Variants in PLEKHA4 observed in about 807,000 individuals in gnomAD.
PLEKHA4 encodes the protein pleckstrin homology domain containing A4.
A neutral mutation model predicts 94.7 loss-of-function variants in PLEKHA4; 73 were observed. The observed-to-expected ratio is 0.77, with a 90% CI of 0.64 to 0.94. PLEKHA4 has a LOEUF of 0.94. Ranked by LOEUF, PLEKHA4 falls within the 40% of genes least tolerant of loss-of-function variation. PLEKHA4 has a pLI of 0.00. For synonymous variants in PLEKHA4, 449 were observed against 437.1 expected (o/e 1.03, Z -0.34); for missense variants, 1,049 against 1,054.1 (o/e 1.00, Z 0.07).
In PLEKHA4 at chr19:48,845,586, G is replaced by A. The variant is rs1447120852; in HGVS notation, c.1597C>T (p.Pro533Ser). ...SLPESLELSS[P>S]RSPETDWGRP... is the part of the protein sequence containing the mutation. The stretch of plus-strand genomic sequence containing the variant: ...CCCCAGTCAGTCTCGGGGGACCTAG[G>A]GGAGCTCAGTTCCAAGGACTCTGGC... The change falls in exon 15 of 20, where the codon CCT (proline) becomes TCT (serine). Residue 533 changes from proline (P) to serine (S), a missense_variant. Coordinates refer to ENST00000263265, the MANE Select transcript of PLEKHA4 (RefSeq NM_020904.3). 3 of 1,605,300 alleles carry A rather than the reference G, an allele frequency of 1.9e-6. No individual in the cohort carries two copies. The highest frequency in any genetic ancestry group is 2.6e-6 in the Non-Finnish European group (3 of 1,175,566).
intron 17 of PLEKHA4, among the ~76,000 whole-genome samples, chr19:48,839,943 T>C (rs1191918313): frequency 3.8e-5 from 5 of 132,156 alleles, no homozygotes; most frequent in African/African-American, 1.5e-4. Context: ...CTACTAAAAA[T>C]ACAAAAAAAA....
intron 13 of PLEKHA4, among the ~76,000 whole-genome samples, chr19:48,849,856 C>T (rs560712488): frequency 6.6e-6 from 1 of 152,220 alleles, no homozygotes; most frequent in East Asian, 1.9e-4. Flanking sequence ...AGCATGGCTT[C>T]AACAAGAGGA....
At chr19:48,843,125 C>T (rs2035829196) in intron 16 of PLEKHA4, among the ~76,000 whole-genome samples, 1 of 152,082 alleles carries the variant, frequency 6.6e-6, no homozygotes, top group South Asian at 2.1e-4. Context: ...CTTTTGTATC[C>T]ATGATAACAA....
chr19:48,863,425 G>GTTTT lies in PLEKHA4; in HGVS notation c.193-1737_193-1734dup, dbSNP rs1436464028. 1.2e-3 allele frequency among the ~76,000 whole-genome samples: 135 copies of GTTTT among 114,652 alleles called. 1 individual carries two copies. Among genetic ancestry groups the GTTTT allele is most frequent in the Non-Finnish European group, 2.2e-3 (117 of 53,074 alleles). 75.2% of individuals were successfully genotyped at this position (114,652 alleles called of 152,430 possible). On this transcript the variant is annotated intron_variant, in intron 3 of 19. Transcript: ENST00000263265. The stretch of plus-strand genomic sequence containing the variant: ...CCTGCCACCATGCAGGCTAATTTAG[G>GTTTT]TTTTTTGTTTTTTTTTTTTTTTGAG...
rs2035787578 is a variant in PLEKHA4, at chr19:48,842,057, C to T, written c.1744-747G>A. Among the ~76,000 whole-genome samples, 4 of 152,150 alleles carry T rather than the reference C, an allele frequency of 2.6e-5. No individual in the cohort carries two copies. In the South Asian group the frequency reaches 8.3e-4, roughly 32 times the overall value. On this transcript the variant is annotated intron_variant, in intron 16 of 19. Transcript: ENST00000263265. ...ATTGTAGAACCAGTCCCTGCAGTTT[C>T]CTCTGCTTTGACCAATCCTGAGTCC...
chr19:48,847,640 G>C (rs1256859737), intron 14 of PLEKHA4, among the ~76,000 whole-genome samples: 1 of 152,158 alleles, frequency 6.6e-6, no homozygotes, highest in Admixed American at 6.6e-5. Flanking sequence ...GCTGAGGCAG[G>C]AGAACCACTT....
At chr19:48,839,295 A>C in intron 17 of PLEKHA4, 32 bp from the exon 18 acceptor site, 1 of 1,477,690 alleles carries the variant, frequency 6.8e-7, no homozygotes, top group African/African-American at 1.4e-5. Context: ...AGAACTCCTC[A>C]CCTGGAAGCC....
At chr19:48,858,627 C>CAAAAAAAATAAAAAAAAAAA (rs2036514164) in intron 8 of PLEKHA4, among the ~76,000 whole-genome samples, 1 of 63,474 alleles carries the variant, frequency 1.6e-5, no homozygotes, top group African/African-American at 1.1e-4. Context: ...ACCTCAGTCT[C>CAAAAAAAATAAAAAAAAAAA]AAAAAAAAAA....
Position 48,854,077 on chromosome 19 carries a change from G to T in PLEKHA4, c.1106C>A (p.Thr369Asn). The T allele has an allele frequency of 1.2e-6, 2 of 1,614,144 alleles. No homozygotes were observed. The highest frequency in any genetic ancestry group is 1.7e-6 in the Non-Finnish European group (2 of 1,180,028). ...AAGCCGGTCCTGCCCGCACAACTTGGTCAGCAGCGTCTGGAGAAAGGAGAG... is the reference window on the plus strand; with the variant it reads ...AAGCCGGTCCTGCCCGCACAACTTGTTCAGCAGCGTCTGGAGAAAGGAGAG... ...HQSLETDTLLTKLCGQDRLLR... is the reference protein window; with the variant it reads ...HQSLETDTLLNKLCGQDRLLR... The change falls in exon 11 of 20, where the codon ACC becomes AAC. Residue 369 changes from threonine to asparagine, a missense_variant. By Grantham distance (65) the Thr-to-Asn change is moderately conservative. Transcript: ENST00000263265.
intron 13 of PLEKHA4, among the ~76,000 whole-genome samples, chr19:48,850,453 G>C (rs917754478): frequency 1.3e-5 from 2 of 151,912 alleles, no homozygotes; most frequent in Non-Finnish European, 2.9e-5. Flanking sequence ...GCAGTGAGTC[G>C]AGATTGTGCC....
intron 6 of PLEKHA4, chr19:48,860,127 A>G: frequency 1.7e-6 from 1 of 587,394 alleles, no homozygotes; most frequent in Non-Finnish European, 3.0e-6. Context: ...CTGAAGGGTC[A>G]GCTTGGGGGC....
At chr19:48,851,157 T>C (rs2036169479) in intron 13 of PLEKHA4, among the ~76,000 whole-genome samples, 1 of 151,484 alleles carries the variant, frequency 6.6e-6, no homozygotes, top group Admixed American at 6.6e-5. Context: ...AAATAAAAAA[T>C]AAAAGAGTAT....
chr19:48,838,905 C>A (rs1409209741), intron 18 of PLEKHA4, among the ~76,000 whole-genome samples: 1 of 152,076 alleles, frequency 6.6e-6, no homozygotes, highest in Non-Finnish European at 1.5e-5. Context: ...AACATGGCAC[C>A]GCCCTCATAC....
chr19:48,860,805 G>A (rs544278503), intron 5 of PLEKHA4, among the ~76,000 whole-genome samples: 2 of 145,882 alleles, frequency 1.4e-5, no homozygotes, highest in Admixed American at 7.0e-5. Flanking sequence ...GGGAAGGGAA[G>A]GGAGAGAAAG....
At position 48,845,319 on chromosome 19, in the gene PLEKHA4, G is replaced by A. The variant is rs1162524947; in HGVS notation, c.1743+51C>T. Reference sequence around the variant, plus strand: ...CTCCTAGCTGTTTCCCAGAAGTGTGGGGGTCCCTGATGGTCAGATGCAAGG... The same window carrying A: ...CTCCTAGCTGTTTCCCAGAAGTGTGAGGGTCCCTGATGGTCAGATGCAAGG... On this transcript the variant is annotated intron_variant, in intron 16 of 19. Coordinates refer to ENST00000263265, the MANE Select transcript of PLEKHA4 (RefSeq NM_020904.3). 7 of 1,554,678 alleles carry A rather than the reference G, an allele frequency of 4.5e-6. No individual in the cohort carries two copies. The East Asian group carries it at 1.3e-4, about 30-fold the overall frequency.
chr19:48,861,251 G>A lies in PLEKHA4; in HGVS notation c.366+150C>T. On this transcript the variant is annotated intron_variant, in intron 5 of 19. Coordinates refer to ENST00000263265, the MANE Select transcript of PLEKHA4 (RefSeq NM_020904.3). ...AAAACAAACCAAAACAAAACAAAAC[G>A]AGGATGCAATTGACGCTTGTCAAGA... 1.2e-5 allele frequency: 9 copies of A among 736,914 alleles called. No individual in the cohort carries two copies. The Middle Eastern group carries it at 2.6e-3, about 212-fold the overall frequency. 45.6% of individuals were successfully genotyped at this position (736,914 alleles called of 1,614,324 possible). A position where few individuals can be genotyped will look rare whatever the true frequency, so the allele number is the denominator to read the frequency against.
intron 16 of PLEKHA4, among the ~76,000 whole-genome samples, chr19:48,843,864 G>T (rs892567095): frequency 6.6e-6 from 1 of 151,394 alleles, no homozygotes; most frequent in Non-Finnish European, 1.5e-5. Context: ...TGCCACGTTG[G>T]CCAGGGTGCT....
chr19:48,842,894 G>C (rs1422297909), intron 16 of PLEKHA4, among the ~76,000 whole-genome samples: 1 of 152,116 alleles, frequency 6.6e-6, no homozygotes, highest in Non-Finnish European at 1.5e-5. Flanking sequence ...GCCATCTGGT[G>C]GTCATAGCTT....
In PLEKHA4 at chr19:48,847,881, G is replaced by A. The variant is rs377037181; in HGVS notation, c.1566+19C>T. ...TGGGACATGAAGCTTGGGGTGGGGA[G>A]GAATTATGTGCGTCTTACCTCCCTC... is the stretch of plus-strand genomic sequence containing the variant. On this transcript the variant is annotated intron_variant, in intron 14 of 19. Transcript: ENST00000263265. The A allele has an allele frequency of 6.5e-7, 1 of 1,534,312 alleles. No homozygotes were observed. Among genetic ancestry groups the A allele is most frequent in the African/African-American group, 1.4e-5 (1 of 72,162 alleles).
Sources: gnomAD v4.1 joint callset for allele counts (sites outside exome capture counted in the v4.1 genomes callset) on GRCh38, gnomAD v4.1.1 for gene constraint, MANE v1.5 for transcripts, NCBI Gene and HGNC (gene_info 2026-07-23, HGNC 2026-07-21) for gene names.